The following MPP7 variants were observed in gnomAD, a reference collection of about 807,000 sequenced individuals.
The protein encoded by MPP7 is MAGUK p55 subfamily member 7.
In MPP7, 60 loss-of-function variants were observed where a neutral mutation model predicts 76.5. That is an observed-to-expected ratio of 0.78 (90% CI 0.64 to 0.97). The LOEUF is 0.97. Among genes scored for constraint, MPP7 ranks in the 50% least tolerant of loss-of-function variants. The pLI is 0.00. For synonymous variants in MPP7, 237 were observed against 244.5 expected (o/e 0.97, Z 0.29); for missense variants, 641 against 694.0 (o/e 0.92, Z 0.86).
chr10:28,296,740 C>T lies in MPP7; in HGVS notation c.-132+6121G>A, dbSNP rs150255606. 2.1e-3 allele frequency among the ~76,000 whole-genome samples: 314 copies of T among 152,196 alleles called. 6 individuals carry two copies. The East Asian group carries it at 0.037, about 18-fold the overall frequency. ...TCTAGTAAATAGAAAGACTAAATGC[C>T]TCTTCAAGAAAAAAACATTTATATG... On this transcript the variant is annotated intron_variant, in intron 1 of 16. Coordinates refer to ENST00000683449, the MANE Select transcript of MPP7 (RefSeq NM_001318170.2).
intron 1 of MPP7, among the ~76,000 whole-genome samples, chr10:28,291,077 T>C (rs1840907697): frequency 6.6e-6 from 1 of 152,222 alleles, no homozygotes; most frequent in Non-Finnish European, 1.5e-5. Flanking sequence ...CTGCACAGTT[T>C]AGGATGTTTC....
intron 2 of MPP7, 34 bp from the exon 3 acceptor site, chr10:28,202,305 T>C: frequency 6.9e-7 from 1 of 1,458,394 alleles, no homozygotes; most frequent in Non-Finnish European, 9.5e-7. Flanking sequence ...AAGTGTAATC[T>C]TAGAGTGATC....
chr10:28,281,057 A>G (rs564692806), intron 1 of MPP7, among the ~76,000 whole-genome samples: 34 of 151,744 alleles, frequency 2.2e-4, no homozygotes, highest in African/African-American at 8.2e-4. Flanking sequence ...AGATCCAAAG[A>G]ATAAATGGTC....
chr10:28,161,583 C>T (rs1334289010), intron 3 of MPP7, among the ~76,000 whole-genome samples: 1 of 151,996 alleles, frequency 6.6e-6, no homozygotes, highest in Non-Finnish European at 1.5e-5. Flanking sequence ...GAATACGGTC[C>T]CTAGGTGGAG....
At chr10:28,231,851 G>C (rs1268243555) in intron 2 of MPP7, among the ~76,000 whole-genome samples, 2 of 152,012 alleles carry the variant, frequency 1.3e-5, no homozygotes, top group Non-Finnish European at 2.9e-5. Context: ...AAGAGGAAAG[G>C]CTCCTCCCAA....
At chr10:28,109,848 CAAAAAAAA>C (rs869206744) in intron 11 of MPP7, among the ~76,000 whole-genome samples, 5 of 19,222 alleles carry the variant, frequency 2.6e-4, no homozygotes, top group South Asian at 2.9e-3. Context: ...GCCGCAGACG[CAAAAAAAA>C]AAAAAAAAAA....
intron 12 of MPP7, among the ~76,000 whole-genome samples, chr10:28,072,578 C>T (rs977292403): frequency 1.3e-5 from 2 of 152,202 alleles, no homozygotes; most frequent in African/African-American, 4.8e-5. Context: ...TAGTACCTGA[C>T]CCTTGTCATT....
intron 12 of MPP7, among the ~76,000 whole-genome samples, chr10:28,077,604 G>T (rs904016593): frequency 1.3e-5 from 2 of 152,016 alleles, no homozygotes; most frequent in African/African-American, 4.8e-5. Flanking sequence ...GTTTGTATTT[G>T]GAATACAAAA....
chr10:28,143,096 T>C (rs1162978585), intron 5 of MPP7, among the ~76,000 whole-genome samples: 2 of 151,200 alleles, frequency 1.3e-5, no homozygotes, highest in African/African-American at 4.9e-5. Flanking sequence ...ATGCCAAAAA[T>C]ATTAAAAGAA....
At chr10:28,144,049 C>G (rs1179321514) in intron 5 of MPP7, among the ~76,000 whole-genome samples, 2 of 152,084 alleles carry the variant, frequency 1.3e-5, no homozygotes, top group Admixed American at 6.6e-5. Context: ...CGCCACCATA[C>G]CCGGGATTTT....
At chr10:28,217,517 A>C (rs1014361923) in intron 2 of MPP7, among the ~76,000 whole-genome samples, 12 of 138,968 alleles carry the variant, frequency 8.6e-5, no homozygotes, top group Non-Finnish European at 1.5e-4. Flanking sequence ...ACAGAGTGAG[A>C]CTCTGTCTCA....
intron 1 of MPP7, among the ~76,000 whole-genome samples, chr10:28,272,433 A>G (rs1386167535): frequency 1.3e-5 from 2 of 152,242 alleles, no homozygotes; most frequent in African/African-American, 2.4e-5. Context: ...GTGCATATAT[A>G]GTTATAGACA....
At chr10:28,300,234 G>A (rs935529297) in intron 1 of MPP7, among the ~76,000 whole-genome samples, 7 of 150,466 alleles carry the variant, frequency 4.7e-5, no homozygotes, top group African/African-American at 1.5e-4. Flanking sequence ...TCTAGTGGAA[G>A]TCAGGTAGTG....
Position 28,094,817 on chromosome 10 carries a change from TG to T in MPP7, c.953-4977del, listed in dbSNP as rs1169965872. On this transcript the variant is annotated intron_variant, in intron 11 of 16. Transcript: ENST00000683449. ...TAAATACAACAGAAATAGCCAGATG[TG>T]GTGGCACATGCCTATAATCCCAGCT... 1.1e-4 allele frequency among the ~76,000 whole-genome samples: 16 copies of T among 152,330 alleles called. No individual in the cohort carries two copies. In the South Asian group the frequency reaches 3.3e-3, roughly 32 times the overall value.
chr10:28,076,202 G>T (rs912211512), intron 12 of MPP7, among the ~76,000 whole-genome samples: 1 of 152,136 alleles, frequency 6.6e-6, no homozygotes, highest in African/African-American at 2.4e-5. Flanking sequence ...CCAAAACTCA[G>T]ACAAGAGCTG....
At chr10:28,262,411 G>T (rs1282875984) in intron 1 of MPP7, among the ~76,000 whole-genome samples, 2 of 149,720 alleles carry the variant, frequency 1.3e-5, no homozygotes, top group Admixed American at 1.3e-4. Context: ...TATAATTTTT[G>T]ACTGAACTAG....
chr10:28,082,220 T>C (rs1317179261), intron 12 of MPP7, among the ~76,000 whole-genome samples: 1 of 152,190 alleles, frequency 6.6e-6, no homozygotes, highest in East Asian at 1.9e-4. Flanking sequence ...TTTCCAAAAT[T>C]TGTGTCCATG....
intron 2 of MPP7, among the ~76,000 whole-genome samples, chr10:28,326,377 A>C (rs1286394719): frequency 6.6e-6 from 1 of 151,540 alleles, no homozygotes; most frequent in Non-Finnish European, 1.5e-5. Flanking sequence ...ACCAATTGTA[A>C]ATGTGAGAAG....
intron 11 of MPP7, among the ~76,000 whole-genome samples, chr10:28,110,807 G>A (rs996541130): frequency 1.3e-5 from 2 of 152,028 alleles, no homozygotes; most frequent in African/African-American, 4.8e-5. Context: ...ATCAAAATAC[G>A]TCTGTCAATA....
Sources: gnomAD v4.1 joint callset for allele counts (sites outside exome capture counted in the v4.1 genomes callset) on GRCh38, gnomAD v4.1.1 for gene constraint, MANE v1.5 for transcripts, NCBI Gene and HGNC (gene_info 2026-07-23, HGNC 2026-07-21) for gene names.